ZNF469: variants seen among roughly 807,000 people sequenced by gnomAD.
ZNF469 encodes the protein zinc finger protein 469.
In ZNF469, 1 loss-of-function variant was observed where a neutral mutation model predicts 1.0. That is an observed-to-expected ratio of 1.00 (90% CI 0.35 to 4.73). The LOEUF (loss-of-function observed/expected upper bound fraction) is 4.73, where lower values mean the gene tolerates loss of function less well. Ranked by LOEUF, ZNF469 falls within the 30% of genes most tolerant of loss-of-function variation. The pLI is 0.16. For synonymous variants in ZNF469, 2,703 were observed against 2,363.4 expected (o/e 1.14, Z -4.17); for missense variants, 6,100 against 5,356.3 (o/e 1.14, Z -4.33).
the ZNF469 span, among the ~76,000 whole-genome samples, chr16:88,363,086 C>A: frequency 6.6e-6 from 1 of 151,962 alleles, no homozygotes; most frequent in African/African-American, 2.4e-5. Context: ...TCTGTTGAGG[C>A]TTTCTGTCTT....
chr16:88,410,432 T>A (rs952403906), intron 1 of ZNF469, among the ~76,000 whole-genome samples: 1 of 149,852 alleles, frequency 6.7e-6, no homozygotes, highest in Non-Finnish European at 1.5e-5. Flanking sequence ...ATGGAGAAGT[T>A]CACGGTGCAG....
chr16:88,236,740 G>A, the ZNF469 span, among the ~76,000 whole-genome samples: 17 of 152,048 alleles, frequency 1.1e-4, no homozygotes, highest in Middle Eastern at 3.4e-3. Flanking sequence ...GGTGGGGGGT[G>A]CCTGTAAGCT....
chr16:88,345,485 G>A, the ZNF469 span, among the ~76,000 whole-genome samples: 1 of 152,228 alleles, frequency 6.6e-6, no homozygotes, highest in African/African-American at 2.4e-5. Context: ...GACACCAGGA[G>A]CATGGGATCT....
chr16:88,133,816 G>A, the ZNF469 span, among the ~76,000 whole-genome samples: 80 of 152,274 alleles, frequency 5.3e-4, no homozygotes, highest in Admixed American at 2.7e-3. Flanking sequence ...AACATCAGCC[G>A]GACACAGTGG....
upstream of ZNF469, among the ~76,000 whole-genome samples, chr16:88,380,512 TGC>T (rs1491190124): frequency 8.2e-5 from 6 of 73,380 alleles, no homozygotes. Flanking sequence ...CACACAGACA[TGC>T]ACACACACGC....
the ZNF469 span, among the ~76,000 whole-genome samples, chr16:88,365,456 C>T: frequency 6.6e-6 from 1 of 152,208 alleles, no homozygotes; most frequent in Non-Finnish European, 1.5e-5. Flanking sequence ...AGGGGCCAAG[C>T]ACCCATCTGC....
At chr16:88,268,250 C>G in the ZNF469 span, among the ~76,000 whole-genome samples, 48 of 152,308 alleles carry the variant, frequency 3.2e-4, no homozygotes, top group Admixed American at 4.6e-4. Flanking sequence ...CAGTCTCCCC[C>G]TCGCTGGTGT....
At chr16:88,325,757 G>T in the ZNF469 span, among the ~76,000 whole-genome samples, 1 of 152,214 alleles carries the variant, frequency 6.6e-6, no homozygotes, top group South Asian at 2.1e-4. Context: ...CCACTCAAAT[G>T]CTCCGTGTGA....
chr16:88,320,717 T>C, the ZNF469 span, among the ~76,000 whole-genome samples: 1 of 152,194 alleles, frequency 6.6e-6, no homozygotes, highest in South Asian at 2.1e-4. Context: ...ATGTTGGTCT[T>C]GAACTTGAAC....
At chr16:88,320,381 A>G in the ZNF469 span, among the ~76,000 whole-genome samples, 120 of 152,124 alleles carry the variant, frequency 7.9e-4, no homozygotes, top group African/African-American at 2.9e-3. Flanking sequence ...GAGATTCTTT[A>G]TTCTTTTTTC....
Position 88,437,634 on chromosome 16 carries a change from C to T in ZNF469, c.10164C>T (p.His3388=). The T allele has an allele frequency of 1.3e-6, 2 of 1,541,762 alleles. No homozygotes were observed. Among genetic ancestry groups the T allele is most frequent in the South Asian group, 2.4e-5 (2 of 83,746 alleles). The stretch of plus-strand genomic sequence containing the variant: ...TGCTGGCACACCTGGGCGGGGCGCA[C>T]GGGCTGCTGGAGCGGCCGGAGCTGC... The part of the protein sequence containing the change: ...GELLAHLGGA[H]GLLERPELQH... Residue 3388 remains histidine, a synonymous_variant, in exon 3 of 3, where the codon CAC becomes CAT. Coordinates refer to ENST00000565624, the MANE Select transcript of ZNF469 (RefSeq NM_001367624.2).
chr16:88,220,770 G>A, the ZNF469 span, among the ~76,000 whole-genome samples: 1 of 152,146 alleles, frequency 6.6e-6, no homozygotes, highest in African/African-American at 2.4e-5. Flanking sequence ...CACAGACCTT[G>A]GTGCAGCCAT....
At chr16:88,411,461 T>TGGGCAGGGGTGCAAGC (rs1567504056) in intron 1 of ZNF469, among the ~76,000 whole-genome samples, 84 of 142,318 alleles carry the variant, frequency 5.9e-4, no homozygotes, top group African/African-American at 2.2e-3. Flanking sequence ...GGGGTGCGAG[T>TGGGCAGGGGTGCAAGC]GGGCAGGGGT....
the ZNF469 span, among the ~76,000 whole-genome samples, chr16:88,224,088 A>G: frequency 5.9e-5 from 9 of 152,096 alleles, no homozygotes; most frequent in African/African-American, 2.2e-4. Flanking sequence ...AAAACAAAAC[A>G]CGCCTGTTGT....
intron 1 of ZNF469, among the ~76,000 whole-genome samples, chr16:88,389,444 T>C (rs1904423887): frequency 6.6e-6 from 1 of 152,244 alleles, no homozygotes; most frequent in African/African-American, 2.4e-5. Context: ...TGTCTGGCTG[T>C]TGTGAGTCCA....
the ZNF469 span, among the ~76,000 whole-genome samples, chr16:88,320,926 G>A: frequency 3.1e-4 from 47 of 152,350 alleles, no homozygotes; most frequent in South Asian, 9.1e-3. Flanking sequence ...AGTTCAGGAC[G>A]CAGATGCAGT....
chr16:88,121,342 A>C, the ZNF469 span, among the ~76,000 whole-genome samples: 5 of 152,070 alleles, frequency 3.3e-5, no homozygotes, highest in African/African-American at 1.2e-4. Flanking sequence ...AACAAAAACC[A>C]ACCAAACATA....
At chr16:88,320,517 C>A in the ZNF469 span, among the ~76,000 whole-genome samples, 11 of 152,042 alleles carry the variant, frequency 7.2e-5, no homozygotes, top group Non-Finnish European at 1.6e-4. Context: ...CAGAGTAGCC[C>A]GGATTACAGG....
the ZNF469 span, among the ~76,000 whole-genome samples, chr16:88,103,339 G>C: frequency 6.6e-6 from 1 of 152,258 alleles, no homozygotes; most frequent in Admixed American, 6.5e-5. Context: ...GGCACTGGAC[G>C]CTTTGCTCTC....
Sources: allele counts gnomAD v4.1 joint callset (sites outside exome capture counted in the v4.1 genomes callset), GRCh38; gene constraint gnomAD v4.1.1; transcripts MANE v1.5; gene names NCBI Gene and HGNC (gene_info 2026-07-23, HGNC 2026-07-21).